LOX: variants seen among roughly 807,000 people sequenced by gnomAD.
LOX encodes lysyl oxidase, also known as protein-lysine 6-oxidase.
A neutral mutation model predicts 50.5 loss-of-function variants in LOX; 12 were observed. That is an observed-to-expected ratio of 0.24 (90% CI 0.15 to 0.38). The LOEUF is 0.38. Ranked by LOEUF, LOX falls within the 10% of genes least tolerant of loss-of-function variation. The pLI is 1.00. For synonymous variants in LOX, 254 were observed against 230.6 expected (o/e 1.10, Z -0.92); for missense variants, 504 against 563.8 (o/e 0.89, Z 1.07).
intron 4 of LOX, among the ~76,000 whole-genome samples, chr5:122,073,787 T>G (rs1754527771): frequency 6.6e-6 from 1 of 152,150 alleles, no homozygotes; most frequent in African/African-American, 2.4e-5. Flanking sequence ...TTTTACATCT[T>G]AACAACATGG....
At chr5:122,076,109 T>C (rs1196443887) in intron 2 of LOX, 3 of 152,236 alleles carry the variant, frequency 2.0e-5, no homozygotes, top group African/African-American at 7.2e-5. Context: ...GTGTGAGTGA[T>C]GCAAGACTCA....
chr5:122,075,440 C>T lies in LOX; in HGVS notation c.842G>A (p.Arg281Gln), dbSNP rs1470075358. The T allele has an allele frequency of 2.5e-6, 4 of 1,613,524 alleles. No individual in the cohort carries two copies. The highest frequency in any genetic ancestry group is 3.3e-5 in the Admixed American group (2 of 59,926). ...NQGTSDFLPS[R>Q]PRYSWEWHSC... ...GTGCCATTCCCAGGAATATCTTGGT[C>T]GGCTGGGTAAGAAATCTGATGTCCC... is the stretch of plus-strand genomic sequence containing the variant. Residue 281 changes from arginine (R) to glutamine (Q), a missense_variant, in exon 3 of 7, where the codon CGA (arginine) becomes CAA (glutamine). Arg to Gln is a conservative substitution (Grantham distance 43). Around this residue, in one of 2 missense-constraint regions of LOX, gnomAD observed 106 missense variants for 198.1 expected, o/e 0.54. Transcript: ENST00000231004.
In LOX at chr5:122,072,476, A is replaced by T. The variant is rs533168255; in HGVS notation, c.1035+1537T>A. On this transcript the variant is annotated intron_variant, in intron 4 of 6. Transcript: ENST00000231004. ...ACTGTTTTAGTTTCGTATATATTTAATATGTAAATTTTTGTCTCAGAACAC... is the reference window on the plus strand; with the variant it reads ...ACTGTTTTAGTTTCGTATATATTTATTATGTAAATTTTTGTCTCAGAACAC... 1.3e-4 allele frequency among the ~76,000 whole-genome samples: 20 copies of T among 152,328 alleles called. No homozygotes were observed. In the South Asian group the frequency reaches 4.1e-3, roughly 32 times the overall value.
In LOX at chr5:122,077,139, C is replaced by G; in HGVS notation, c.632-138G>C. The G allele has an allele frequency of 6.8e-7, 1 of 1,474,112 alleles. No individual in the cohort carries two copies. The highest frequency in any genetic ancestry group is 1.4e-5 in the South Asian group (1 of 73,000). 91.3% of individuals were successfully genotyped at this position (1,474,112 alleles called of 1,614,324 possible). On this transcript the variant is annotated intron_variant, in intron 1 of 6. Coordinates refer to ENST00000231004, the MANE Select transcript of LOX (RefSeq NM_002317.7). The surrounding 1 kb of genome is among the most constrained non-coding windows in gnomAD (Gnocchi z 4.9). Reference sequence around the variant, plus strand: ...AGTGGAGCGGAGGACAGCAAGAGAACTGGGGACGCCCGGGACTGCAAAGCA... The same window carrying G: ...AGTGGAGCGGAGGACAGCAAGAGAAGTGGGGACGCCCGGGACTGCAAAGCA...
At chr5:122,070,675 T>G (rs527365753) in intron 4 of LOX, 86 bp from the exon 5 acceptor site, 5 of 677,472 alleles carry the variant, frequency 7.4e-6, no homozygotes, top group African/African-American at 7.2e-5. Flanking sequence ...AAATTAAATT[T>G]TAAGTTAGTA....
chr5:122,066,827 C>A, intron 6 of LOX, 78 bp from the exon 7 acceptor site: 2 of 936,902 alleles, frequency 2.1e-6, no homozygotes, highest in South Asian at 2.7e-5. Flanking sequence ...AATTTAAAGT[C>A]AACCTTTTAA....
chr5:122,066,829 A>G, intron 6 of LOX, 80 bp from the exon 7 acceptor site: 1 of 913,780 alleles, frequency 1.1e-6, no homozygotes, highest in Non-Finnish European at 1.8e-6. Context: ...TTTAAAGTCA[A>G]CCTTTTAAAA....
In LOX at chr5:122,076,895, G is replaced by T. The variant is rs759612771; in HGVS notation, c.738C>A (p.Ala246=). ...GCCTCAGACATATCAGCCCGTACCTGGCCAGACAGTTTTCCTCCGCCGCGC... is the reference window on the plus strand; with the variant it reads ...GCCTCAGACATATCAGCCCGTACCTTGCCAGACAGTTTTCCTCCGCCGCGC... ...LRCAAEENCL[A]STAYRADVRD... The change falls in exon 2 of 7, where the codon GCC becomes GCA. Residue 246 remains alanine (A), a splice_region_variant and synonymous_variant. Transcript: ENST00000231004. 6.2e-7 allele frequency: 1 copy of T among 1,613,916 alleles called. No individual in the cohort carries two copies. The highest frequency in any genetic ancestry group is 1.7e-5 in the Admixed American group (1 of 60,014).
Position 122,077,551 on chromosome 5 carries a change from C to T in LOX, c.435G>A (p.Gln145=). ...GCGCAGGAACTTCTCCCGGCGCTGT[C>T]TGGTTCTCCGCGCGCGAGGCGCCAG... The part of the protein sequence containing the change: ...REAGASRAEN[Q]TAPGEVPALS... The change falls in exon 1 of 7, where the codon CAG becomes CAA. Residue 145 remains glutamine (Q), a synonymous_variant. Coordinates refer to ENST00000231004, the MANE Select transcript of LOX (RefSeq NM_002317.7). This position sits in a 1 kb window ranked among gnomAD's most constrained non-coding sequence, Gnocchi z 4.9. The T allele has an allele frequency of 1.9e-6, 3 of 1,613,366 alleles. No individual in the cohort carries two copies. Among genetic ancestry groups the T allele is most frequent in the Non-Finnish European group, 1.7e-6 (2 of 1,179,900 alleles).
chr5:122,076,549 A>C (rs1754640880), intron 2 of LOX, among the ~76,000 whole-genome samples: 1 of 152,120 alleles, frequency 6.6e-6, no homozygotes, highest in Non-Finnish European at 1.5e-5. Context: ...CATTACAATA[A>C]ATTTTTTGAA....
Position 122,077,311 on chromosome 5 carries a change from G to A in LOX, c.631+44C>T, listed in dbSNP as rs1269425378. The A allele has an allele frequency of 1.9e-6, 3 of 1,611,934 alleles. No homozygotes were observed. Among genetic ancestry groups the A allele is most frequent in the Admixed American group, 1.7e-5 (1 of 59,926 alleles). ...CCACGTCGAGAAGCCACATAGCTGG[G>A]GACCAGGTGCACGGGTGCTTCCAGC... On this transcript the variant is annotated intron_variant, in intron 1 of 6. Coordinates refer to ENST00000231004, the MANE Select transcript of LOX (RefSeq NM_002317.7). This position sits in a 1 kb window ranked among gnomAD's most constrained non-coding sequence, Gnocchi z 4.9.
At chr5:122,076,453 C>T (rs1288471444) in intron 2 of LOX, among the ~76,000 whole-genome samples, 2 of 152,128 alleles carry the variant, frequency 1.3e-5, no homozygotes, top group Non-Finnish European at 2.9e-5. Flanking sequence ...TGGTCTCAAA[C>T]AAAAGAGGAA....
Position 122,071,173 on chromosome 5 carries a change from G to GA in LOX, c.1036-585dup, listed in dbSNP as rs550091098. Among the ~76,000 whole-genome samples, 495 of 149,510 alleles carry GA rather than the reference G, an allele frequency of 3.3e-3. 2 individuals carry two copies. The highest frequency in any genetic ancestry group is 5.6e-3 in the Non-Finnish European group (376 of 67,576). ...ACATTTATTAAATAGTATGTGGCAG[G>GA]AACAATCGTAAACATTTATATGTGT... On this transcript the variant is annotated intron_variant, in intron 4 of 6. Transcript: ENST00000231004.
Position 122,077,547 on chromosome 5 carries a change from C to G in LOX, c.439G>C (p.Ala147Pro). The change falls in exon 1 of 7, where the codon GCG (alanine) becomes CCG (proline). Residue 147 changes from alanine (A) to proline (P), a missense_variant. Physicochemically the swap from Ala to Pro is conservative, Grantham distance 27. This residue lies in a region of LOX where 398 missense variants were observed against 365.8 expected (regional missense o/e 1.09). Coordinates refer to ENST00000231004, the MANE Select transcript of LOX (RefSeq NM_002317.7). This position sits in a 1 kb window ranked among gnomAD's most constrained non-coding sequence, Gnocchi z 4.9. ...CTGAGCGCAGGAACTTCTCCCGGCG[C>G]TGTCTGGTTCTCCGCGCGCGAGGCG... Reference protein sequence around the residue: ...AGASRAENQTAPGEVPALSNL... With the variant: ...AGASRAENQTPPGEVPALSNL... The G allele has an allele frequency of 3.7e-6, 6 of 1,613,422 alleles. No individual in the cohort carries two copies. Among genetic ancestry groups the G allele is most frequent in the Non-Finnish European group, 5.1e-6 (6 of 1,179,886 alleles).
In LOX at chr5:122,077,890, C is replaced by CG; in HGVS notation, c.95dup (p.Arg33AlafsTer101). On this transcript the variant is annotated frameshift_variant, in exon 1 of 7. Transcript: ENST00000231004. LOFTEE classifies it high-confidence loss of function. This position sits in a 1 kb window ranked among gnomAD's most constrained non-coding sequence, Gnocchi z 4.9. ...CGCCCGGAGCCGCCGGCGGCTCGCG[C>CG]GGGGGCTGCTGTTGGCCGGCGGCGG... is the stretch of plus-strand genomic sequence containing the variant. The CG allele has an allele frequency of 6.5e-7, 1 of 1,533,280 alleles. No individual in the cohort carries two copies. Among genetic ancestry groups the CG allele is most frequent in the East Asian group, 2.5e-5 (1 of 39,564 alleles). 95.0% of individuals were successfully genotyped at this position (1,533,280 alleles called of 1,614,324 possible). A position where few individuals can be genotyped will look rare whatever the true frequency, so the allele number is the denominator to read the frequency against.
chr5:122,070,299 C>T (rs1414227605), intron 5 of LOX, 131 bp from the exon 6 acceptor site: 34 of 669,072 alleles, frequency 5.1e-5, no homozygotes, highest in East Asian at 4.8e-4. Context: ...ACTCTGGAGA[C>T]GTTATGGAAA....
At chr5:122,074,991 C>T (rs1754575709) in intron 3 of LOX, among the ~76,000 whole-genome samples, 1 of 152,208 alleles carries the variant, frequency 6.6e-6, no homozygotes, top group African/African-American at 2.4e-5. Flanking sequence ...TCCTTCTGAG[C>T]TGATGGGATG....
intron 2 of LOX, 86 bp downstream of exon 2, chr5:122,076,807 G>C: frequency 8.6e-7 from 1 of 1,167,234 alleles, no homozygotes; most frequent in South Asian, 1.3e-5. Flanking sequence ...ACTTGTCTGC[G>C]CGAAGCAGTA....
rs1250830815 is a variant in LOX, at chr5:122,063,895, TAGTG to T, written c.*2844_*2847del. 8 of 152,042 alleles carry T rather than the reference TAGTG, an allele frequency of 5.3e-5. No homozygotes were observed. Among genetic ancestry groups the T allele is most frequent in the South Asian group, 2.1e-4 (1 of 4,822 alleles). 9.4% of individuals were successfully genotyped at this position (152,042 alleles called of 1,614,324 possible). ...GAAAAAAAGTACTACAAATAATGCC[TAGTG>T]AGTAATTGGATGATAGAAATTGTAA... On this transcript the variant is annotated 3_prime_UTR_variant, in exon 7 of 7. Coordinates refer to ENST00000231004, the MANE Select transcript of LOX (RefSeq NM_002317.7).
Sources: gnomAD v4.1 joint callset for allele counts (sites outside exome capture counted in the v4.1 genomes callset) on GRCh38, gnomAD v4.1.1 for gene constraint, gnomAD v4.1.1 regional missense constraint, Gnocchi (gnomAD v3.1) non-coding constraint, MANE v1.5 for transcripts, NCBI Gene and HGNC (gene_info 2026-07-23, HGNC 2026-07-21) for gene names.